PCDHA11: variants seen among roughly 807,000 people sequenced by gnomAD.
The protein encoded by PCDHA11 is protocadherin alpha 11.
PCDHA11 carries 61 observed loss-of-function variants against 70.3 expected under a neutral mutation model. The observed-to-expected ratio is 0.87, with a 90% CI of 0.71 to 1.07. The LOEUF is 1.07. Among genes scored for constraint, PCDHA11 ranks in the 50% least tolerant of loss-of-function variants. The pLI is 0.00. For synonymous variants in PCDHA11, 633 were observed against 555.1 expected (o/e 1.14, Z -1.97); for missense variants, 1,324 against 1,237.5 (o/e 1.07, Z -1.05).
chr5:140,915,684 G>T (rs576904848), intron 1 of PCDHA11, among the ~76,000 whole-genome samples: 5 of 151,572 alleles, frequency 3.3e-5, no homozygotes, highest in South Asian at 4.2e-4. Context: ...TGAACTAGGG[G>T]TATGGTGATG....
intron 3 of PCDHA11, among the ~76,000 whole-genome samples, chr5:141,000,387 CTCTCTCTCTA>C (rs1244377903): frequency 2.3e-3 from 152 of 66,802 alleles, no homozygotes; most frequent in African/African-American, 4.6e-3. Flanking sequence ...CTCTCTCTCT[CTCTCTCTCTA>C]TATATATATA....
At chr5:140,957,189 G>A (rs1376112973) in intron 1 of PCDHA11, among the ~76,000 whole-genome samples, 1 of 152,056 alleles carries the variant, frequency 6.6e-6, no homozygotes. Context: ...ATTGATGACC[G>A]ATTGGGAATA....
In PCDHA11 at chr5:141,003,833, A is replaced by G. The variant is rs1215772990; in HGVS notation, c.2540-5794A>G. On this transcript the variant is annotated intron_variant, in intron 3 of 3. Transcript: ENST00000398640. ...AGTCTGGGAAGGGCTCTGCCTAACG[A>G]TTCAGACCCCTACCAGATTTATATG... is the stretch of plus-strand genomic sequence containing the variant. 2.6e-5 allele frequency among the ~76,000 whole-genome samples: 4 copies of G among 152,176 alleles called. No individual in the cohort carries two copies. In the East Asian group the frequency reaches 7.7e-4, roughly 29 times the overall value.
chr5:140,886,097 A>G (rs1341108712), intron 1 of PCDHA11, among the ~76,000 whole-genome samples: 1 of 152,214 alleles, frequency 6.6e-6, no homozygotes, highest in Non-Finnish European at 1.5e-5. Context: ...ATTGACATTG[A>G]TACAGTAAAG....
chr5:140,883,447 C>A, intron 1 of PCDHA11: 1 of 1,614,168 alleles, frequency 6.2e-7, no homozygotes. Context: ...CGCCGCATGT[C>A]CCCTTCAAGC....
intron 1 of PCDHA11, among the ~76,000 whole-genome samples, chr5:140,911,440 A>C (rs151200639): frequency 6.6e-5 from 10 of 152,168 alleles, no homozygotes; most frequent in African/African-American, 1.7e-4. Context: ...ATTTCCCGCA[A>C]TTTCAGCTCT....
At chr5:140,986,102 C>T (rs782067384) in intron 3 of PCDHA11, among the ~76,000 whole-genome samples, 14 of 152,102 alleles carry the variant, frequency 9.2e-5, no homozygotes, top group Non-Finnish European at 1.5e-5. Flanking sequence ...CTGCAAAAGC[C>T]TAAGATAAAG....
At chr5:140,929,160 T>G in intron 1 of PCDHA11, 1 of 1,614,130 alleles carries the variant, frequency 6.2e-7, no homozygotes, top group East Asian at 2.2e-5. Context: ...CTTATCTCTA[T>G]CGGGCCTCTC....
intron 3 of PCDHA11, among the ~76,000 whole-genome samples, chr5:140,998,830 C>G (rs1385890461): frequency 6.6e-6 from 1 of 152,200 alleles, no homozygotes; most frequent in African/African-American, 2.4e-5. Flanking sequence ...TCCCAAAGTG[C>G]TGGATTACTG....
chr5:140,874,040 T>G (rs1303509988), intron 1 of PCDHA11, among the ~76,000 whole-genome samples: 7 of 152,220 alleles, frequency 4.6e-5, no homozygotes, highest in Admixed American at 4.6e-4. Flanking sequence ...AGAAACTTGG[T>G]GATGATATTA....
intron 1 of PCDHA11, among the ~76,000 whole-genome samples, chr5:140,900,090 A>G (rs1370301453): frequency 6.6e-6 from 1 of 152,152 alleles, no homozygotes; most frequent in Non-Finnish European, 1.5e-5. Context: ...AGTTACAAGC[A>G]TGCGCCACCA....
In PCDHA11 at chr5:140,883,616, G is replaced by GACAAC; in HGVS notation, c.2391+12123_2391+12127dup. On this transcript the variant is annotated intron_variant, in intron 1 of 3. Coordinates refer to ENST00000398640, the MANE Select transcript of PCDHA11 (RefSeq NM_018902.5). ...GTCGGTGGGGGTGGCCGACGTGAAC[G>GACAAC]ACAACGCGCCGGCGTTCGCGCAGCC... The GACAAC allele has an allele frequency of 3.1e-6, 5 of 1,614,014 alleles. No homozygotes were observed. The South Asian group carries it at 5.5e-5, about 18-fold the overall frequency.
chr5:140,989,733 C>T (rs31874), intron 3 of PCDHA11, among the ~76,000 whole-genome samples: 120,660 of 152,102 alleles, frequency 0.79, 48,852 homozygotes, highest in East Asian at 0.98. Context: ...GTTGAAAAGG[C>T]CATTGCCTAA....
At chr5:140,928,495 A>G in intron 1 of PCDHA11, 2 of 1,614,206 alleles carry the variant, frequency 1.2e-6, no homozygotes, top group South Asian at 1.1e-5. Flanking sequence ...CATTCCTCCC[A>G]GAAGTGCAAC....
chr5:140,872,729 A>T (rs578008508), intron 1 of PCDHA11, among the ~76,000 whole-genome samples: 15 of 152,366 alleles, frequency 9.8e-5, no homozygotes, highest in African/African-American at 3.6e-4. Flanking sequence ...AAATTATTCA[A>T]ATTATCTAAA....
At chr5:140,981,725 A>T (rs1554243280) in intron 2 of PCDHA11, among the ~76,000 whole-genome samples, 1 of 151,396 alleles carries the variant, frequency 6.6e-6, no homozygotes, top group Non-Finnish European at 1.5e-5. Context: ...TCCAACAAAT[A>T]TTTGAGAGAT....
chr5:140,998,003 T>C (rs2097793100), intron 3 of PCDHA11, among the ~76,000 whole-genome samples: 1 of 152,134 alleles, frequency 6.6e-6, no homozygotes, highest in Admixed American at 6.6e-5. Context: ...CCTCTGAGCC[T>C]TCCATCCCCA....
rs1234661148 is a variant in PCDHA11, at chr5:141,010,706, T to C, written c.*769T>C. 2 of 155,338 alleles carry C rather than the reference T, an allele frequency of 1.3e-5. No individual in the cohort carries two copies. Among genetic ancestry groups the C allele is most frequent in the African/African-American group, 4.8e-5 (2 of 41,492 alleles). The allele number at this position is 155,338 out of a possible 1,614,324, so 9.6% of individuals were successfully genotyped here. A position where few individuals can be genotyped will look rare whatever the true frequency, so the allele number is the denominator to read the frequency against. The stretch of plus-strand genomic sequence containing the variant: ...AGATCTGATGTGTTTCCTATACATG[T>C]CCTGTGCTCACTTTATTAAAAATTC... On this transcript the variant is annotated 3_prime_UTR_variant, in exon 4 of 4. Transcript: ENST00000398640.
intron 1 of PCDHA11, chr5:140,884,300 G>C (rs2060088357): frequency 6.2e-7 from 1 of 1,613,712 alleles, no homozygotes; most frequent in Non-Finnish European, 8.5e-7. Context: ...AGCGCCACAG[G>C]CTTCGTCGAG....
Sources: gnomAD v4.1 joint callset for allele counts (sites outside exome capture counted in the v4.1 genomes callset) on GRCh38, gnomAD v4.1.1 for gene constraint, MANE v1.5 for transcripts, NCBI Gene and HGNC (gene_info 2026-07-23, HGNC 2026-07-21) for gene names.